The following NT5DC4 variants were observed in gnomAD, a reference collection of about 807,000 sequenced individuals.
NT5DC4 encodes the protein 5'-nucleotidase domain-containing protein 4.
Under a neutral mutation model 26.6 loss-of-function variants are expected in NT5DC4, and 44 were observed. That is an observed-to-expected ratio of 1.65 (90% confidence interval 1.30 to 2.13). The LOEUF is 2.13. Ranked by LOEUF, NT5DC4 falls within the 30% of genes most tolerant of loss-of-function variation. The pLI is 0.00. For synonymous variants in NT5DC4, 157 were observed against 86.7 expected (o/e 1.81, Z -4.51); for missense variants, 399 against 228.1 (o/e 1.75, Z -4.83).
chr2:112,733,374 G>A (rs10187872), intron 16 of NT5DC4, among the ~76,000 whole-genome samples: 59,406 of 148,582 alleles, frequency 0.4, 11,912 homozygotes, highest in Middle Eastern at 0.48. Flanking sequence ...TCCCATTTCT[G>A]GAAGAATTTT....
chr2:112,723,109 C>T lies in NT5DC4; in HGVS notation c.556C>T (p.Leu186Phe), dbSNP rs758706985. The T allele has an allele frequency of 3.5e-5, 25 of 716,800 alleles. No homozygotes were observed. Among genetic ancestry groups the T allele is most frequent in the Non-Finnish European group, 6.2e-5 (24 of 384,888 alleles). The allele number at this position is 716,800 out of a possible 1,614,324, so 44.4% of individuals were successfully genotyped here. The change falls in exon 7 of 17, where the codon CTC becomes TTC. Residue 186 changes from leucine (L) to phenylalanine (F), a missense_variant. Physicochemically the swap from Leu to Phe is conservative, Grantham distance 22. Transcript: ENST00000688554. ...NCDTGYQHGN[L>F]FMSFRSLFQD... Reference sequence around the variant, plus strand: ...TGACACCGGCTATCAGCATGGGAACCTCTTCATGTCCTTCCGAAGCCTCTT... The same window carrying T: ...TGACACCGGCTATCAGCATGGGAACTTCTTCATGTCCTTCCGAAGCCTCTT...
At chr2:112,724,200 T>G in intron 10 of NT5DC4, 74 bp downstream of exon 10, 1 of 714,748 alleles carries the variant, frequency 1.4e-6, no homozygotes, top group Admixed American at 2.0e-5. Context: ...TGCACCACGA[T>G]GCTGAGGGCC....
At chr2:112,730,425 C>T (rs115959016) in intron 16 of NT5DC4, among the ~76,000 whole-genome samples, 1 of 151,864 alleles carries the variant, frequency 6.6e-6, no homozygotes, top group African/African-American at 2.4e-5. Context: ...GTTGGCCAAT[C>T]CATACACATT....
intron 16 of NT5DC4, among the ~76,000 whole-genome samples, chr2:112,730,810 C>T (rs1230951717): frequency 3.9e-5 from 6 of 152,164 alleles, no homozygotes; most frequent in Admixed American, 3.9e-4. Flanking sequence ...TTACTTCATT[C>T]CTGCCTAGGA....
In NT5DC4 at chr2:112,726,928, G is replaced by T. The variant is rs554131902; in HGVS notation, c.1266+190G>T. The T allele has an allele frequency of 2.1e-3, 1,323 of 626,240 alleles. 19 individuals carry two copies. Among genetic ancestry groups the T allele is most frequent in the Non-Finnish European group, 4.8e-4 (164 of 342,124 alleles). The allele number at this position is 626,240 out of a possible 1,614,324, so 38.8% of individuals were successfully genotyped here. A position where few individuals can be genotyped will look rare whatever the true frequency, so the allele number is the denominator to read the frequency against. On this transcript the variant is annotated intron_variant, in intron 15 of 16. Coordinates refer to ENST00000688554, the MANE Select transcript of NT5DC4 (RefSeq NM_001393655.1). ...GCTGGCCGACATTCCAAAGGGCAGCGGTACCCTCTTGAAGGGCTGAGTTGA... is the reference window on the plus strand; with the variant it reads ...GCTGGCCGACATTCCAAAGGGCAGCTGTACCCTCTTGAAGGGCTGAGTTGA...
chr2:112,721,370 C>T (rs1004226763), intron 1 of NT5DC4: 21 of 669,580 alleles, frequency 3.1e-5, no homozygotes, highest in African/African-American at 2.8e-4. Flanking sequence ...TCACTTCCTT[C>T]CCTCCACGAA....
intron 16 of NT5DC4, among the ~76,000 whole-genome samples, chr2:112,730,096 T>C (rs1330432389): frequency 1.3e-5 from 2 of 152,014 alleles, no homozygotes; most frequent in South Asian, 2.1e-4. Context: ...GTGGATCACC[T>C]GAGGGCAGGA....
At chr2:112,723,654 G>A in intron 8 of NT5DC4, 65 bp from the exon 9 acceptor site, 2 of 699,770 alleles carry the variant, frequency 2.9e-6, no homozygotes, top group Non-Finnish European at 5.3e-6. Context: ...GCTGAAACCT[G>A]AGGAGAGGAT....
intron 11 of NT5DC4, 108 bp from the exon 12 acceptor site, chr2:112,725,066 C>T (rs1312031094): frequency 4.6e-6 from 3 of 653,102 alleles, no homozygotes; most frequent in Non-Finnish European, 8.6e-6. Flanking sequence ...TCCTTCCTCC[C>T]ACACCCCCCA....
At chr2:112,719,934 CTTTCTTTCTT>C (rs1553430207), upstream of NT5DC4, among the ~76,000 whole-genome samples, 3 of 65,952 alleles carry the variant, frequency 4.5e-5, no homozygotes, top group African/African-American at 1.3e-4. Context: ...CTCTTTCTTT[CTTTCTTTCTT>C]TCTTTCTTTC....
intron 7 of NT5DC4, 120 bp from the exon 8 acceptor site, chr2:112,723,298 C>A: frequency 1.4e-6 from 1 of 703,820 alleles, no homozygotes; most frequent in South Asian, 1.5e-5. Flanking sequence ...GAGGTCTGGT[C>A]TGGGCTTCCC....
chr2:112,722,577 T>C lies in NT5DC4; in HGVS notation c.457T>C (p.Phe153Leu), dbSNP rs762078487. 3 of 717,456 alleles carry C rather than the reference T, an allele frequency of 4.2e-6. No homozygotes were observed. The South Asian group carries it at 4.4e-5, about 11-fold the overall frequency. The allele number at this position is 717,456 out of a possible 1,614,324, so 44.4% of individuals were successfully genotyped here. A position where few individuals can be genotyped will look rare whatever the true frequency, so the allele number is the denominator to read the frequency against. ...GTGTTTCTACATACTCAACATGCTCTTCAACCTGCCTGGTGGGTGGAGGGT... is the reference window on the plus strand; with the variant it reads ...GTGTTTCTACATACTCAACATGCTCCTCAACCTGCCTGGTGGGTGGAGGGT... ...LQCFYILNML[F>L]NLPETYLYAC... Residue 153 changes from phenylalanine to leucine, a missense_variant, in exon 5 of 17, where the codon TTC (phenylalanine) becomes CTC (leucine). Transcript: ENST00000688554.
chr2:112,719,956 TTC>T (rs1398711586), upstream of NT5DC4, among the ~76,000 whole-genome samples: 7 of 127,518 alleles, frequency 5.5e-5, no homozygotes, highest in African/African-American at 1.5e-4. Flanking sequence ...CTTTCTTTCT[TTC>T]TTTCTTTCTT....
At chr2:112,737,921 A>C (rs2104829927) in intron 16 of NT5DC4, 2 of 152,356 alleles carry the variant, frequency 1.3e-5, no homozygotes, top group South Asian at 4.1e-4. Flanking sequence ...ATATTAAGAA[A>C]GCTAAAATTT....
chr2:112,739,217 C>T (rs547178334), downstream of NT5DC4, among the ~76,000 whole-genome samples: 116 of 152,150 alleles, frequency 7.6e-4, 1 homozygote, highest in African/African-American at 2.6e-3. Context: ...TCTAGGAGTT[C>T]GAGACCAGCC....
At chr2:112,730,243 G>T (rs1008778909) in intron 16 of NT5DC4, among the ~76,000 whole-genome samples, 2 of 151,214 alleles carry the variant, frequency 1.3e-5, no homozygotes, top group Non-Finnish European at 2.9e-5. Context: ...AACCCAGGAG[G>T]CGGAGGTTGC....
chr2:112,721,472 C>G, intron 1 of NT5DC4: 1 of 717,864 alleles, frequency 1.4e-6, no homozygotes, highest in Non-Finnish European at 2.6e-6. Context: ...GGTCCCATTT[C>G]AGAAGGTGAC....
downstream of NT5DC4, among the ~76,000 whole-genome samples, chr2:112,741,244 C>T (rs1422943832): frequency 2.6e-5 from 4 of 152,104 alleles, no homozygotes; most frequent in East Asian, 7.7e-4. Context: ...GACTGCTGTA[C>T]GTAGATTCTT....
chr2:112,720,939 G>A (rs912199868), upstream of NT5DC4, among the ~76,000 whole-genome samples: 1 of 152,210 alleles, frequency 6.6e-6, no homozygotes, highest in Non-Finnish European at 1.5e-5. Flanking sequence ...AAGGGGCTCG[G>A]GGGAGATGGG....
Sources: allele counts gnomAD v4.1 joint callset (sites outside exome capture counted in the v4.1 genomes callset), GRCh38; gene constraint gnomAD v4.1.1; transcripts MANE v1.5; gene names NCBI Gene and HGNC (gene_info 2026-07-23, HGNC 2026-07-21).